PIK3R1: variants seen among roughly 807,000 people sequenced by gnomAD.
The protein encoded by PIK3R1 is phosphoinositide-3-kinase regulatory subunit 1, also known as phosphatidylinositol 3-kinase regulatory subunit alpha.
PIK3R1 carries 29 observed loss-of-function variants against 98.0 expected under a neutral mutation model. The observed-to-expected ratio is 0.30, with a 90% CI of 0.22 to 0.40. The LOEUF is 0.40. PIK3R1 is among the 10% of genes least tolerant of loss of function. The pLI is 1.00. For missense variants in PIK3R1, 596 were observed against 872.7 expected, an observed-to-expected ratio of 0.68 and a Z score of 3.99; for synonymous variants, 282 against 311.8, an observed-to-expected ratio of 0.90 and a Z score of 1.01.
intron 7 of PIK3R1, chr5:68,288,497 G>T (rs1371023171): frequency 7.6e-7 from 1 of 1,315,904 alleles, no homozygotes; most frequent in African/African-American, 1.6e-5. Flanking sequence ...GCCGGGCGGG[G>T]CGTGGGGCGG....
chr5:68,223,182 C>T (rs1208994227), intron 1 of PIK3R1, among the ~76,000 whole-genome samples: 1 of 150,886 alleles, frequency 6.6e-6, no homozygotes, highest in Non-Finnish European at 1.5e-5. Flanking sequence ...CAATACTTAA[C>T]CGGAGTTTTA....
At chr5:68,260,306 A>G (rs1298972731) in intron 2 of PIK3R1, among the ~76,000 whole-genome samples, 4 of 152,074 alleles carry the variant, frequency 2.6e-5, no homozygotes, top group African/African-American at 4.8e-5. Flanking sequence ...ATGACTTCCA[A>G]TTAAGCCCCT....
In PIK3R1 at chr5:68,297,914, C is replaced by A. The variant is rs946325471; in HGVS notation, c.*313C>A. The A allele has an allele frequency of 2.8e-5, 7 of 254,168 alleles. No individual in the cohort carries two copies. Among genetic ancestry groups the A allele is most frequent in the Non-Finnish European group, 5.3e-5 (7 of 132,268 alleles). The allele number at this position is 254,168 out of a possible 1,614,324, so 15.7% of individuals were successfully genotyped here. On this transcript the variant is annotated 3_prime_UTR_variant, in exon 16 of 16. Coordinates refer to ENST00000521381, the MANE Select transcript of PIK3R1 (RefSeq NM_181523.3). ...ATGCAAAAATCTCTGCGTGCAGGGA[C>A]AAAGAGGCCTTTAACCATGGTGCTT...
chr5:68,219,912 CTTG>C (rs1744034150), intron 1 of PIK3R1, among the ~76,000 whole-genome samples: 1 of 152,114 alleles, frequency 6.6e-6, no homozygotes, highest in Admixed American at 6.5e-5. Context: ...CTTTTATCTG[CTTG>C]TTTTCTCATC....
At chr5:68,246,360 C>T (rs2112046151) in intron 2 of PIK3R1, among the ~76,000 whole-genome samples, 1 of 150,778 alleles carries the variant, frequency 6.6e-6, no homozygotes, top group African/African-American at 2.4e-5. Flanking sequence ...TCGCCCAAGC[C>T]GCAGTGCAGT....
chr5:68,280,481 A>C (rs749567277), intron 5 of PIK3R1, 47 bp from the exon 6 acceptor site: 1 of 1,279,456 alleles, frequency 7.8e-7, no homozygotes, highest in Non-Finnish European at 1.1e-6. Flanking sequence ...GATACCTGGA[A>C]GTAGTCGCTT....
intron 1 of PIK3R1, among the ~76,000 whole-genome samples, chr5:68,219,392 A>T (rs1030228408): frequency 5.9e-5 from 9 of 152,182 alleles, no homozygotes; most frequent in Admixed American, 3.9e-4. Context: ...GAGTGTAGTG[A>T]GTTAATAAAG....
intron 2 of PIK3R1, among the ~76,000 whole-genome samples, chr5:68,236,232 A>T (rs574215468): frequency 1.3e-5 from 2 of 150,842 alleles, no homozygotes; most frequent in South Asian, 4.2e-4. Context: ...AAGATGGCAT[A>T]TTATAACCTT....
intron 2 of PIK3R1, among the ~76,000 whole-genome samples, chr5:68,262,164 T>C (rs1745781113): frequency 6.6e-6 from 1 of 152,024 alleles, no homozygotes; most frequent in Admixed American, 6.5e-5. Flanking sequence ...TCTAAAGTGT[T>C]AATTAAAACG....
chr5:68,289,181 G>A (rs1416511440), intron 7 of PIK3R1, among the ~76,000 whole-genome samples: 1 of 152,170 alleles, frequency 6.6e-6, no homozygotes, highest in Non-Finnish European at 1.5e-5. Context: ...TGCTTCGGGG[G>A]AGGGTCGACA....
intron 2 of PIK3R1, among the ~76,000 whole-genome samples, chr5:68,262,982 G>T (rs1276825983): frequency 6.0e-4 from 15 of 25,066 alleles, no homozygotes; most frequent in East Asian, 2.4e-3. Flanking sequence ...TATACATGTA[G>T]ATACATGTAG....
At chr5:68,295,753 A>G (rs985875540) in intron 14 of PIK3R1, 6 of 512,478 alleles carry the variant, frequency 1.2e-5, no homozygotes, top group Admixed American at 3.4e-5. Flanking sequence ...AAAAATCCCA[A>G]AATATTTTTG....
At chr5:68,296,065 G>GTA in intron 14 of PIK3R1, 106 bp from the exon 15 acceptor site, 1 of 1,089,078 alleles carries the variant, frequency 9.2e-7, no homozygotes, top group Non-Finnish European at 1.3e-6. Flanking sequence ...GACTGGCTTG[G>GTA]TAGGGGCCAG....
intron 7 of PIK3R1, among the ~76,000 whole-genome samples, chr5:68,289,833 G>A (rs923648399): frequency 6.8e-6 from 1 of 147,196 alleles, no homozygotes; most frequent in Non-Finnish European, 1.5e-5. Context: ...AGCGAAGATG[G>A]GTTCATCAGT....
chr5:68,269,852 A>T (rs1194625474), intron 2 of PIK3R1, among the ~76,000 whole-genome samples: 1 of 151,344 alleles, frequency 6.6e-6, no homozygotes, highest in Non-Finnish European at 1.5e-5. Flanking sequence ...GACATTTTGT[A>T]CTAAGGAATA....
chr5:68,226,075 T>G (rs1744263206), intron 1 of PIK3R1, among the ~76,000 whole-genome samples: 1 of 152,028 alleles, frequency 6.6e-6, no homozygotes. Context: ...GCTAAGACAT[T>G]GCCTCATGCC....
At chr5:68,273,892 A>G in intron 3 of PIK3R1, 47 bp from the exon 4 acceptor site, 1 of 1,430,342 alleles carries the variant, frequency 7.0e-7, no homozygotes, top group South Asian at 1.1e-5. Flanking sequence ...GGTTCTCCAG[A>G]GAGCTGTGTT....
chr5:68,220,658 G>A (rs1025925482), intron 1 of PIK3R1, among the ~76,000 whole-genome samples: 11 of 152,140 alleles, frequency 7.2e-5, no homozygotes, highest in Non-Finnish European at 1.3e-4. Flanking sequence ...AACACCAAAA[G>A]GGCTTGTAGG....
At chr5:68,288,553 GCCCGGAGGGT>G in intron 7 of PIK3R1, 1 of 1,499,258 alleles carries the variant, frequency 6.7e-7, no homozygotes, top group Non-Finnish European at 8.8e-7. Context: ...CACTGTGCAC[GCCCGGAGGGT>G]CCTGGCGGCG....
Sources: allele counts gnomAD v4.1 joint callset (sites outside exome capture counted in the v4.1 genomes callset), GRCh38; gene constraint gnomAD v4.1.1; transcripts MANE v1.5; gene names NCBI Gene and HGNC (gene_info 2026-07-23, HGNC 2026-07-21).